The following DLGAP1 variants were observed in gnomAD, a reference collection of about 807,000 sequenced individuals.
DLGAP1 encodes the protein DLG associated protein 1.
A neutral mutation model predicts 90.8 loss-of-function variants in DLGAP1; 11 were observed. The ratio of observed to expected loss-of-function variants is 0.12; its 90% CI spans 0.08 to 0.20. The LOEUF (loss-of-function observed/expected upper bound fraction) is 0.20. DLGAP1 is among the 10% of genes least tolerant of loss of function. The probability of loss-of-function intolerance (pLI) is 1.00; values close to 1 mark genes in which losing one functional copy is unlikely to be tolerated. For missense variants in DLGAP1, 1,050 were observed against 1,333.8 expected (o/e 0.79, Z 3.31); for synonymous variants, 558 against 540.7 (o/e 1.03, Z -0.44).
At position 3,879,148 on chromosome 18, in the gene DLGAP1, C is replaced by T. The variant is rs745997737; in HGVS notation, c.921G>A (p.Glu307=). ...VNMDQAMVKS[E]SCQQERSCQY... is the part of the protein sequence containing the mutation. ...GGCAGGAGCGTTCTTGCTGACACGA[C>T]TCGGACTTCACCATGGCCTGGTCCA... Residue 307 remains glutamate, a synonymous_variant, in exon 4 of 13, where the codon GAG becomes GAA. Transcript: ENST00000315677. The surrounding 1 kb of genome is among the most constrained non-coding windows in gnomAD (Gnocchi z 6.6). The T allele has an allele frequency of 7.3e-6, 11 of 1,509,472 alleles. No individual in the cohort carries two copies. The highest frequency in any genetic ancestry group is 9.7e-6 in the Non-Finnish European group (11 of 1,128,758). 93.5% of individuals were successfully genotyped at this position (1,509,472 alleles called of 1,614,324 possible). A position where few individuals can be genotyped will look rare whatever the true frequency, so the allele number is the denominator to read the frequency against.
intron 2 of DLGAP1, among the ~76,000 whole-genome samples, chr18:4,088,911 TC>T (rs1322107709): frequency 1.3e-5 from 2 of 152,288 alleles, no homozygotes; most frequent in East Asian, 3.9e-4. Context: ...ATGCCCTCTC[TC>T]ACCACTCCTA....
At chr18:4,327,882 C>T (rs144642921) in intron 1 of DLGAP1, among the ~76,000 whole-genome samples, 4 of 151,898 alleles carry the variant, frequency 2.6e-5, no homozygotes, top group Non-Finnish European at 5.9e-5. Context: ...TATACCATGC[C>T]GACATGTGTC....
chr18:3,771,985 G>C (rs1327880043), intron 5 of DLGAP1, among the ~76,000 whole-genome samples: 1 of 152,168 alleles, frequency 6.6e-6, no homozygotes, highest in Non-Finnish European at 1.5e-5. Flanking sequence ...CTTATTTCGG[G>C]AACAGAAGCG....
At chr18:3,501,407 G>A (rs1236846001) in intron 12 of DLGAP1, among the ~76,000 whole-genome samples, 2 of 152,078 alleles carry the variant, frequency 1.3e-5, no homozygotes, top group African/African-American at 4.8e-5. Context: ...CAAGTGAGAG[G>A]CCACATGTAC....
At chr18:4,392,409 G>A (rs2144438424) in intron 1 of DLGAP1, among the ~76,000 whole-genome samples, 1 of 152,208 alleles carries the variant, frequency 6.6e-6, no homozygotes, top group Non-Finnish European at 1.5e-5. Flanking sequence ...GGTTAACAAA[G>A]TTCTAGGGGT....
At chr18:3,929,253 C>T (rs918289472) in intron 3 of DLGAP1, among the ~76,000 whole-genome samples, 4 of 152,068 alleles carry the variant, frequency 2.6e-5, no homozygotes, top group Non-Finnish European at 5.9e-5. Context: ...GGTTGTTTGC[C>T]TAATCTAATC....
intron 9 of DLGAP1, among the ~76,000 whole-genome samples, chr18:3,544,783 G>A (rs482868): frequency 6.6e-6 from 1 of 151,366 alleles, no homozygotes; most frequent in Non-Finnish European, 1.5e-5. Flanking sequence ...CTGTCGCTTA[G>A]GCTGGAATGC....
chr18:4,035,372 A>G (rs1203191670), intron 2 of DLGAP1, among the ~76,000 whole-genome samples: 1 of 152,186 alleles, frequency 6.6e-6, no homozygotes, highest in Non-Finnish European at 1.5e-5. Context: ...CAACAAAAAC[A>G]AAAACAAATA....
chr18:4,029,739 G>A (rs1166610694), intron 2 of DLGAP1, among the ~76,000 whole-genome samples: 1 of 152,106 alleles, frequency 6.6e-6, no homozygotes, highest in East Asian at 1.9e-4. Context: ...GGTCCTTGCT[G>A]TTGTTCTCAC....
chr18:4,252,898 A>T (rs1232096081), intron 1 of DLGAP1, among the ~76,000 whole-genome samples: 1 of 152,204 alleles, frequency 6.6e-6, no homozygotes, highest in African/African-American at 2.4e-5. Context: ...TATTCTTCTT[A>T]CTTTCATGAA....
chr18:3,502,822 T>A (rs1299748974), intron 11 of DLGAP1, among the ~76,000 whole-genome samples, 177 bp from the exon 12 acceptor site: 4 of 152,178 alleles, frequency 2.6e-5, no homozygotes, highest in African/African-American at 7.2e-5. Context: ...TCCGTTTGAG[T>A]CAGTGATTCT....
chr18:4,125,798 C>A (rs1307818986), intron 2 of DLGAP1, among the ~76,000 whole-genome samples: 1 of 152,122 alleles, frequency 6.6e-6, no homozygotes, highest in Non-Finnish European at 1.5e-5. Context: ...TGTTTCTTGG[C>A]CAGAGATTTA....
At chr18:3,862,698 T>A (rs1386389171) in intron 4 of DLGAP1, among the ~76,000 whole-genome samples, 1 of 152,234 alleles carries the variant, frequency 6.6e-6, no homozygotes, top group Non-Finnish European at 1.5e-5. Context: ...GTCCTCATGT[T>A]TCTAAGGGGA....
At chr18:3,939,133 C>G (rs1360871481) in intron 3 of DLGAP1, among the ~76,000 whole-genome samples, 1 of 150,720 alleles carries the variant, frequency 6.6e-6, no homozygotes, top group African/African-American at 2.5e-5. Flanking sequence ...AAAATGTGGG[C>G]CAGTGGCTTA....
At chr18:4,076,018 C>T (rs1241398302) in intron 2 of DLGAP1, among the ~76,000 whole-genome samples, 1 of 152,184 alleles carries the variant, frequency 6.6e-6, no homozygotes, top group African/African-American at 2.4e-5. Context: ...CTCTCCCTTT[C>T]TCGCTCTCTG....
In DLGAP1 at chr18:4,448,473, T is replaced by C. The variant is rs181091915; in HGVS notation, c.-267+6533A>G. ...TATCATCAAGATCCCTTAGGATTCA[T>C]ATCATCAAAGCAGAGTGTTTTCAAT... is the stretch of plus-strand genomic sequence containing the variant. On this transcript the variant is annotated intron_variant, in intron 1 of 12. Transcript: ENST00000315677. Among the ~76,000 whole-genome samples the C allele has an allele frequency of 1.6e-3, 245 of 152,264 alleles. 1 individual carries two copies. The highest frequency in any genetic ancestry group is 5.3e-3 in the African/African-American group (222 of 41,546).
At chr18:3,966,545 A>T (rs1446573106) in intron 3 of DLGAP1, among the ~76,000 whole-genome samples, 3 of 152,160 alleles carry the variant, frequency 2.0e-5, no homozygotes, top group Admixed American at 1.3e-4. Flanking sequence ...ACTAAAAAAA[A>T]TCGGACTAGA....
intron 2 of DLGAP1, among the ~76,000 whole-genome samples, chr18:4,066,430 C>T (rs1055548377): frequency 2.6e-5 from 4 of 152,112 alleles, no homozygotes; most frequent in Admixed American, 2.6e-4. Context: ...ATCTATGCAT[C>T]TGACAAGGTC....
At chr18:3,571,887 A>G (rs1223700034) in intron 8 of DLGAP1, among the ~76,000 whole-genome samples, 1 of 152,164 alleles carries the variant, frequency 6.6e-6, no homozygotes, top group Non-Finnish European at 1.5e-5. Flanking sequence ...TAGGAGTTAC[A>G]TATTATTTCT....
Sources: gnomAD v4.1 joint callset for allele counts (sites outside exome capture counted in the v4.1 genomes callset) on GRCh38, gnomAD v4.1.1 for gene constraint, Gnocchi (gnomAD v3.1) non-coding constraint, MANE v1.5 for transcripts, NCBI Gene and HGNC (gene_info 2026-07-23, HGNC 2026-07-21) for gene names.